NOX5: variants seen among roughly 807,000 people sequenced by gnomAD.
The protein encoded by NOX5 is NADPH oxidase 5.
Under a neutral mutation model 85.7 loss-of-function variants are expected in NOX5, and 76 were observed. The observed-to-expected ratio is 0.89, with a 90% CI of 0.74 to 1.07. NOX5 has a LOEUF of 1.07. NOX5 is among the 50% of genes least tolerant of loss of function. The pLI is 0.00. For missense variants in NOX5, 973 were observed against 999.5 expected, an observed-to-expected ratio of 0.97 and a Z score of 0.36; for synonymous variants, 405 against 401.4, an observed-to-expected ratio of 1.01 and a Z score of -0.11.
At position 69,060,716 on chromosome 15, in the gene NOX5, G is replaced by A. The variant is rs2050863324; in HGVS notation, c.*4020G>A. On this transcript the variant is annotated 3_prime_UTR_variant, in exon 16 of 16. Coordinates refer to ENST00000388866, the MANE Select transcript of NOX5 (RefSeq NM_024505.4). ...TCATGTAAAAGAAAAGAAAAAACAA[G>A]TACCAAGTGTTTGATATAATCCTAT... 6.6e-6 allele frequency: 1 copy of A among 152,146 alleles called. No individual in the cohort carries two copies. Among genetic ancestry groups the A allele is most frequent in the Non-Finnish European group, 1.5e-5 (1 of 68,012 alleles). The allele number at this position is 152,146 out of a possible 1,614,324, so 9.4% of individuals were successfully genotyped here.
rs1002767549 is a variant in NOX5 at position 69,061,016 on chromosome 15, A to G, written c.*4320A>G. The G allele has an allele frequency of 6.6e-6, 1 of 152,270 alleles. No homozygotes were observed. Among genetic ancestry groups the G allele is most frequent in the African/African-American group, 2.4e-5 (1 of 41,478 alleles). 9.4% of individuals were successfully genotyped at this position (152,270 alleles called of 1,614,324 possible). On this transcript the variant is annotated 3_prime_UTR_variant, in exon 16 of 16. Transcript: ENST00000388866. Reference sequence around the variant, plus strand: ...TGTGGAGGAGGCAAAGGAGGACTTGAATGTTTTCCTCTTATCTGTTTCCTG... The same window carrying G: ...TGTGGAGGAGGCAAAGGAGGACTTGGATGTTTTCCTCTTATCTGTTTCCTG...
chr15:69,038,487 G>A (rs2050550636), intron 8 of NOX5: 1 of 310,850 alleles, frequency 3.2e-6, no homozygotes, highest in Non-Finnish European at 6.0e-6. Context: ...GATGCCCATT[G>A]ATGGTTAGAA....
chr15:69,054,845 C>T (rs2050791217), intron 14 of NOX5, among the ~76,000 whole-genome samples: 1 of 152,168 alleles, frequency 6.6e-6, no homozygotes, highest in African/African-American at 2.4e-5. Flanking sequence ...TGAGGACAGA[C>T]ATGTGAGGCA....
At chr15:69,042,926 C>T (rs1344663163) in intron 10 of NOX5, 121 bp downstream of exon 10, 8 of 1,096,582 alleles carry the variant, frequency 7.3e-6, no homozygotes, top group Non-Finnish European at 9.0e-6. Context: ...GATGGCAGCA[C>T]AAGGGGGTTA....
intron 2 of NOX5, 59 bp downstream of exon 2, chr15:69,026,710 G>A: frequency 6.2e-7 from 1 of 1,609,786 alleles, no homozygotes; most frequent in East Asian, 2.2e-5. Flanking sequence ...TGGTTCTCAG[G>A]GCATAGCCCT....
At chr15:69,041,758 G>A (rs909243367) in intron 9 of NOX5, among the ~76,000 whole-genome samples, 4 of 152,174 alleles carry the variant, frequency 2.6e-5, no homozygotes, top group African/African-American at 9.7e-5. Context: ...TTTATGTCAA[G>A]CTTGTCCAAC....
chr15:69,027,537 T>TC (rs950188610), intron 2 of NOX5, among the ~76,000 whole-genome samples: 25 of 151,944 alleles, frequency 1.6e-4, no homozygotes, highest in African/African-American at 5.3e-4. Flanking sequence ...CACAGGGTCC[T>TC]CCCCCTGCCT....
At chr15:69,041,391 C>T (rs779799770) in intron 9 of NOX5, among the ~76,000 whole-genome samples, 25 of 152,226 alleles carry the variant, frequency 1.6e-4, no homozygotes, top group Non-Finnish European at 2.5e-4. Flanking sequence ...AACACCAGGT[C>T]ATGAATTCCT....
chr15:69,035,153 C>T (rs2050494309), intron 5 of NOX5, among the ~76,000 whole-genome samples: 1 of 152,176 alleles, frequency 6.6e-6, no homozygotes, highest in African/African-American at 2.4e-5. Flanking sequence ...ACTTTCTCTT[C>T]CCGCCACAAT....
intron 2 of NOX5, 96 bp from the exon 3 acceptor site, chr15:69,028,119 C>G (rs560653250): frequency 2.1e-5 from 29 of 1,358,148 alleles, no homozygotes; most frequent in Middle Eastern, 1.9e-4. Context: ...GGTGCACCCC[C>G]CCACCACCAC....
chr15:69,047,348 C>A, intron 11 of NOX5, 65 bp from the exon 12 acceptor site: 1 of 1,488,832 alleles, frequency 6.7e-7, no homozygotes, highest in Non-Finnish European at 8.9e-7. Flanking sequence ...TGGGGACATC[C>A]CCTGGTAGCA....
rs36057751 is a variant in NOX5, at chr15:69,035,302, G to C, written c.856-52G>C. The C allele has an allele frequency of 9.4e-4, 1,501 of 1,589,242 alleles. 8 individuals are homozygous for C. In the African/African-American group the frequency reaches 0.017, roughly 17 times the overall value. On this transcript the variant is annotated intron_variant, in intron 5 of 15. Coordinates refer to ENST00000388866, the MANE Select transcript of NOX5 (RefSeq NM_024505.4). ...TGCAGGGAGGTGGCTGGGAAAAGAG[G>C]ACAAGGCAGACAGAGAGTGAGGCAG...
chr15:69,051,529 G>A lies in NOX5; in HGVS notation c.1999+2471G>A, dbSNP rs570831641. On this transcript the variant is annotated intron_variant, in intron 14 of 15. Transcript: ENST00000388866. ...TAAGTAACTGAGAGTACAAGTGTGC[G>A]CCACCATGCCCAGCTAATCTCATTT... Among the ~76,000 whole-genome samples the A allele has an allele frequency of 3.1e-4, 47 of 152,072 alleles. No individual in the cohort carries two copies. The South Asian group carries it at 8.1e-3, about 26-fold the overall frequency.
chr15:69,018,701 G>A (rs2050262448), intron 1 of NOX5, among the ~76,000 whole-genome samples: 1 of 152,156 alleles, frequency 6.6e-6, no homozygotes, highest in African/African-American at 2.4e-5. Context: ...GTTTTACTAA[G>A]GTATTAATTT....
At chr15:69,034,101 T>A (rs1011869056) in intron 5 of NOX5, among the ~76,000 whole-genome samples, 1 of 152,210 alleles carries the variant, frequency 6.6e-6, no homozygotes, top group Non-Finnish European at 1.5e-5. Context: ...ACAAAGTAAC[T>A]ACAGGGGAAG....
intron 1 of NOX5, among the ~76,000 whole-genome samples, chr15:69,020,821 C>A (rs997051617): frequency 2.0e-5 from 3 of 151,990 alleles, no homozygotes; most frequent in African/African-American, 4.8e-5. Flanking sequence ...GAGAAAATTA[C>A]TAGTTTGTAA....
intron 1 of NOX5, chr15:69,023,222 G>A (rs1238158423): frequency 4.1e-6 from 1 of 244,332 alleles, no homozygotes; most frequent in Admixed American, 5.6e-5. Flanking sequence ...AATTAGCTGA[G>A]TTTTATGTCA....
intron 14 of NOX5, 131 bp downstream of exon 14, chr15:69,049,189 A>C: frequency 4.6e-6 from 2 of 434,530 alleles, no homozygotes; most frequent in Non-Finnish European, 7.9e-6. Flanking sequence ...GTGAACCCAG[A>C]GTCTTTTTTT....
chr15:69,041,871 A>ATT (rs35364723), intron 9 of NOX5, among the ~76,000 whole-genome samples: 4 of 149,334 alleles, frequency 2.7e-5, no homozygotes, highest in African/African-American at 7.4e-5. Flanking sequence ...TGTTTGTGTG[A>ATT]TTTTTTTTTT....
Sources: gnomAD v4.1 joint callset for allele counts (sites outside exome capture counted in the v4.1 genomes callset) on GRCh38, gnomAD v4.1.1 for gene constraint, MANE v1.5 for transcripts, NCBI Gene and HGNC (gene_info 2026-07-23, HGNC 2026-07-21) for gene names.